GUCY1A1: variants seen among roughly 807,000 people sequenced by gnomAD.
The protein encoded by GUCY1A1 is guanylate cyclase 1 soluble subunit alpha 1, also known as guanylate cyclase soluble subunit alpha-1.
In GUCY1A1, 48 loss-of-function variants were observed where a neutral mutation model predicts 64.5. The ratio of observed to expected loss-of-function variants is 0.74; its 90% CI spans 0.59 to 0.95. The LOEUF is 0.95. GUCY1A1 is among the 40% of genes least tolerant of loss of function. The pLI, the probability that GUCY1A1 is intolerant of heterozygous loss-of-function variation, is 0.00. For missense variants in GUCY1A1, 804 were observed against 825.3 expected, an observed-to-expected ratio of 0.97 and a Z score of 0.32; for synonymous variants, 308 against 303.4, an observed-to-expected ratio of 1.02 and a Z score of -0.16.
At chr4:155,688,152 C>T (rs542813193) in intron 2 of GUCY1A1, among the ~76,000 whole-genome samples, 27 of 151,776 alleles carry the variant, frequency 1.8e-4, no homozygotes, top group South Asian at 1.2e-3. Context: ...GGCGTGAACC[C>T]GGGAGGTGGA....
chr4:155,707,950 T>C (rs34671212), intron 4 of GUCY1A1, among the ~76,000 whole-genome samples: 5,937 of 152,072 alleles, frequency 0.039, 148 homozygotes, highest in Middle Eastern at 0.086. Context: ...GTAATTCTTC[T>C]GCCTCAGCCT....
Position 155,722,177 on chromosome 4 carries a change from G to A in GUCY1A1, c.1856G>A (p.Ser619Asn), listed in dbSNP as rs777001408. The part of the protein sequence containing the change: ...SCSVPRKINV[S>N]PTTYRLLKDC... Reference sequence around the variant, plus strand: ...AGTGTACCACGAAAAATCAATGTCAGCCCAACAACTTACAGGTAGTAATTA... The same window carrying A: ...AGTGTACCACGAAAAATCAATGTCAACCCAACAACTTACAGGTAGTAATTA... Residue 619 changes from serine (S) to asparagine (N), a missense_variant, in exon 9 of 10, where the codon AGC becomes AAC. Physicochemically the swap from Ser to Asn is conservative, Grantham distance 46. Coordinates refer to ENST00000506455, the MANE Select transcript of GUCY1A1 (RefSeq NM_001130682.3). 6.2e-7 allele frequency: 1 copy of A among 1,612,326 alleles called. No homozygotes were observed. Among genetic ancestry groups the A allele is most frequent in the Non-Finnish European group, 8.5e-7 (1 of 1,178,868 alleles).
intron 2 of GUCY1A1, among the ~76,000 whole-genome samples, chr4:155,682,698 C>T (rs1295110982): frequency 1.0e-5 from 1 of 97,824 alleles, no homozygotes; most frequent in African/African-American, 3.9e-5. Context: ...AAAGAAAATT[C>T]AGTGTGTGTG....
intron 2 of GUCY1A1, chr4:155,668,304 C>A (rs936129973): frequency 6.6e-6 from 1 of 152,268 alleles, no homozygotes; most frequent in Non-Finnish European, 1.5e-5. Context: ...AAACAGTTTA[C>A]ATCTTCTGAA....
chr4:155,713,328 C>T lies in GUCY1A1; in HGVS notation c.1317C>T (p.Ala439=), dbSNP rs1200607394. Residue 439 remains alanine (A), a synonymous_variant, in exon 7 of 10, where the codon GCC becomes GCT. Coordinates refer to ENST00000506455, the MANE Select transcript of GUCY1A1 (RefSeq NM_001130682.3). ...LGKLKATLEQ[A]HQALEEEKKK... is the part of the protein sequence containing the mutation. ...AGCTGAAGGCTACCCTTGAGCAAGC[C>T]CACCAAGCCCTGGAGGAGGAGAAGA... 3 of 1,614,146 alleles carry T rather than the reference C, an allele frequency of 1.9e-6. No homozygotes were observed. Among genetic ancestry groups the T allele is most frequent in the Non-Finnish European group, 1.7e-6 (2 of 1,180,030 alleles).
intron 4 of GUCY1A1, 125 bp from the exon 5 acceptor site, chr4:155,708,111 A>G: frequency 3.7e-6 from 2 of 542,284 alleles, no homozygotes; most frequent in Non-Finnish European, 3.4e-6. Context: ...TGCTGGGATT[A>G]CAGGCGTGAG....
chr4:155,680,389 C>T (rs973512938), intron 2 of GUCY1A1, among the ~76,000 whole-genome samples: 1 of 151,924 alleles, frequency 6.6e-6, no homozygotes, highest in African/African-American at 2.4e-5. Context: ...TGAAACATTG[C>T]TTAATTTACT....
intron 2 of GUCY1A1, among the ~76,000 whole-genome samples, chr4:155,690,367 C>T (rs1391341253): frequency 6.6e-6 from 1 of 152,094 alleles, no homozygotes; most frequent in Admixed American, 6.5e-5. Flanking sequence ...CCTGTTTTTG[C>T]CCAACCCAGA....
Position 155,696,979 on chromosome 4 carries a change from G to T in GUCY1A1, c.112G>T (p.Glu38Ter). ...ESSEEAAGSS[E>*]SCKATVPICQ... ...TTCAGAGGAGGCAGCAGGAAGCTCA[G>T]AGAGCTGCAAAGCAACCGTGCCCAT... The change falls in exon 3 of 10, where the codon GAG becomes TAG. Residue 38 changes from glutamate to a stop codon, truncating the protein, a stop_gained. Coordinates refer to ENST00000506455, the MANE Select transcript of GUCY1A1 (RefSeq NM_001130682.3). LOFTEE classifies it high-confidence loss of function. The T allele has an allele frequency of 6.2e-7, 1 of 1,613,570 alleles. No individual in the cohort carries two copies. Among genetic ancestry groups the T allele is most frequent in the Non-Finnish European group, 8.5e-7 (1 of 1,179,498 alleles).
At chr4:155,710,402 T>A (rs1732404877) in intron 5 of GUCY1A1, 140 bp from the exon 6 acceptor site, 1 of 584,714 alleles carries the variant, frequency 1.7e-6, no homozygotes, top group Non-Finnish European at 3.0e-6. Flanking sequence ...ATATAGGGGT[T>A]TCATTTTGGT....
chr4:155,731,845 A>G lies in GUCY1A1; in HGVS notation c.*1614A>G, dbSNP rs576273636. On this transcript the variant is annotated 3_prime_UTR_variant, in exon 10 of 10. Transcript: ENST00000506455. ...TGGCCTCTAGTATTCCAAGGGTACT[A>G]CTATAGATATTACAATGATGCTGTT... 2 of 150,932 alleles carry G rather than the reference A, an allele frequency of 1.3e-5. No homozygotes were observed. Among genetic ancestry groups the G allele is most frequent in the Non-Finnish European group, 3.0e-5 (2 of 67,176 alleles). The allele number at this position is 150,932 out of a possible 1,614,324, so 9.3% of individuals were successfully genotyped here.
intron 2 of GUCY1A1, among the ~76,000 whole-genome samples, chr4:155,676,692 G>A (rs957759236): frequency 2.0e-5 from 3 of 151,498 alleles, no homozygotes; most frequent in African/African-American, 7.4e-5. Context: ...TAATCTGACA[G>A]CTGTATTTTA....
chr4:155,669,179 G>A (rs1358288372), intron 2 of GUCY1A1, among the ~76,000 whole-genome samples: 5 of 152,054 alleles, frequency 3.3e-5, no homozygotes, highest in African/African-American at 1.2e-4. Flanking sequence ...AATGTATTAG[G>A]AAACAGGTCT....
At position 155,722,072 on chromosome 4, in the gene GUCY1A1, C is replaced by T. The variant is rs1560964765; in HGVS notation, c.1751C>T (p.Ala584Val). Residue 584 changes from alanine to valine, a missense_variant, in exon 9 of 10, where the codon GCT becomes GTT. Coordinates refer to ENST00000506455, the MANE Select transcript of GUCY1A1 (RefSeq NM_001130682.3). ...RIGLHSGSVF[A>V]GVVGVKMPRY... The stretch of plus-strand genomic sequence containing the variant: ...GGACTGCACTCTGGATCAGTTTTTG[C>T]TGGCGTCGTTGGAGTTAAAATGCCC... 2 of 1,613,210 alleles carry T rather than the reference C, an allele frequency of 1.2e-6. No homozygotes were observed. The highest frequency in any genetic ancestry group is 2.7e-5 in the African/African-American group (2 of 74,856).
chr4:155,673,099 A>G (rs1387757138), intron 2 of GUCY1A1, among the ~76,000 whole-genome samples: 2 of 146,764 alleles, frequency 1.4e-5, no homozygotes, highest in African/African-American at 5.5e-5. Context: ...TAAAAATGCC[A>G]TTATCACCAC....
intron 5 of GUCY1A1, among the ~76,000 whole-genome samples, chr4:155,709,948 T>C (rs1313369491): frequency 6.6e-6 from 1 of 152,234 alleles, no homozygotes; most frequent in Non-Finnish European, 1.5e-5. Context: ...ATACAGAGGC[T>C]TATTTCTAAC....
intron 2 of GUCY1A1, among the ~76,000 whole-genome samples, chr4:155,682,020 A>C (rs533618215): frequency 1.3e-5 from 2 of 152,206 alleles, no homozygotes; most frequent in African/African-American, 4.8e-5. Context: ...TTCTACACAA[A>C]ACTTCAGAGT....
rs991155406 is a variant in GUCY1A1 at position 155,734,465 on chromosome 4, A to G, written c.*4234A>G. The stretch of plus-strand genomic sequence containing the variant: ...AAGTAAAATTGAATCTTTGATACAT[A>G]TTTGTTGAGGAGCTTGTCAGATCAC... On this transcript the variant is annotated 3_prime_UTR_variant, in exon 10 of 10. Transcript: ENST00000506455. 13 of 151,940 alleles carry G rather than the reference A, an allele frequency of 8.6e-5. No individual in the cohort carries two copies. Among genetic ancestry groups the G allele is most frequent in the African/African-American group, 2.7e-4 (11 of 41,408 alleles). The allele number at this position is 151,940 out of a possible 1,614,324, so 9.4% of individuals were successfully genotyped here. A position where few individuals can be genotyped will look rare whatever the true frequency, so the allele number is the denominator to read the frequency against.
At chr4:155,728,296 C>T (rs1442721745) in intron 9 of GUCY1A1, among the ~76,000 whole-genome samples, 3 of 151,878 alleles carry the variant, frequency 2.0e-5, no homozygotes, top group Admixed American at 6.6e-5. Flanking sequence ...ACTATGTCCA[C>T]TCTGGCAGGT....
Sources: gnomAD v4.1 joint callset for allele counts (sites outside exome capture counted in the v4.1 genomes callset) on GRCh38, gnomAD v4.1.1 for gene constraint, MANE v1.5 for transcripts, NCBI Gene and HGNC (gene_info 2026-07-23, HGNC 2026-07-21) for gene names.